DTNB: variants seen among roughly 807,000 people sequenced by gnomAD.
The protein encoded by DTNB is DTN-B.
DTNB carries 63 observed loss-of-function variants against 90.7 expected under a neutral mutation model. The observed-to-expected ratio is 0.69, with a 90% CI of 0.57 to 0.86. The LOEUF (loss-of-function observed/expected upper bound fraction) is 0.86. DTNB is among the 40% of genes least tolerant of loss of function. The probability of loss-of-function intolerance (pLI) is 0.00; values close to 1 mark genes in which losing one functional copy is unlikely to be tolerated. For synonymous variants in DTNB, 277 were observed against 286.7 expected, an observed-to-expected ratio of 0.97 and a Z score of 0.34; for missense variants, 744 against 807.1, an observed-to-expected ratio of 0.92 and a Z score of 0.95.
intron 16 of DTNB, among the ~76,000 whole-genome samples, chr2:25,407,692 G>T (rs976168158): frequency 6.6e-6 from 1 of 152,198 alleles, no homozygotes; most frequent in East Asian, 1.9e-4. Context: ...AATGCTGTGT[G>T]TTCTCACTTA....
chr2:25,552,502 A>T (rs534486271), intron 8 of DTNB, among the ~76,000 whole-genome samples: 12 of 152,164 alleles, frequency 7.9e-5, no homozygotes, highest in Non-Finnish European at 1.6e-4. Flanking sequence ...GGCCCCTCAC[A>T]GCTCCCCGCA....
At chr2:25,493,556 C>G (rs1575082624) in intron 9 of DTNB, among the ~76,000 whole-genome samples, 1 of 152,308 alleles carries the variant, frequency 6.6e-6, no homozygotes, top group South Asian at 2.1e-4. Flanking sequence ...ACCTCTTTTC[C>G]CACCTACTTA....
chr2:25,499,894 CT>C (rs912409736), intron 9 of DTNB, among the ~76,000 whole-genome samples: 1 of 151,796 alleles, frequency 6.6e-6, no homozygotes, highest in African/African-American at 2.4e-5. Context: ...ACTTACCATT[CT>C]TTTTTTTGGT....
At chr2:25,500,947 TG>T (rs1215481739) in intron 9 of DTNB, among the ~76,000 whole-genome samples, 1 of 152,226 alleles carries the variant, frequency 6.6e-6, no homozygotes, top group Non-Finnish European at 1.5e-5. Flanking sequence ...TTGAGGAGGC[TG>T]GAAGAACCTA....
chr2:25,659,453 A>T (rs917757853), intron 1 of DTNB, among the ~76,000 whole-genome samples: 1 of 152,210 alleles, frequency 6.6e-6, no homozygotes, highest in Non-Finnish European at 1.5e-5. Flanking sequence ...AAGTCAATGA[A>T]ACTAAAAGCT....
intron 18 of DTNB, among the ~76,000 whole-genome samples, chr2:25,384,826 G>A (rs1291791270): frequency 1.3e-5 from 2 of 151,968 alleles, no homozygotes; most frequent in Non-Finnish European, 2.9e-5. Flanking sequence ...TGTTTTATTG[G>A]GTGGCGAGTT....
chr2:25,630,003 G>T (rs951592265), intron 3 of DTNB, among the ~76,000 whole-genome samples: 27 of 151,808 alleles, frequency 1.8e-4, no homozygotes, highest in African/African-American at 6.3e-4. Flanking sequence ...TAAGGGTCTG[G>T]GATCCAGACA....
chr2:25,430,336 T>C (rs764862383), intron 14 of DTNB, among the ~76,000 whole-genome samples: 5 of 152,184 alleles, frequency 3.3e-5, no homozygotes, highest in South Asian at 2.1e-4. Context: ...TCCAGTGCAG[T>C]AGACCCTCGA....
intron 9 of DTNB, among the ~76,000 whole-genome samples, chr2:25,486,390 G>C (rs2066147654): frequency 6.6e-6 from 1 of 152,148 alleles, no homozygotes; most frequent in African/African-American, 2.4e-5. Context: ...CCTGAGCACA[G>C]GGAGGTTGAG....
intron 1 of DTNB, among the ~76,000 whole-genome samples, chr2:25,669,218 G>A (rs905613207): frequency 2.6e-5 from 4 of 152,006 alleles, no homozygotes; most frequent in Admixed American, 2.0e-4. Context: ...CAATGTGAAT[G>A]TATTTCATGC....
intron 4 of DTNB, among the ~76,000 whole-genome samples, chr2:25,625,756 C>T (rs1213444085): frequency 6.6e-6 from 1 of 152,008 alleles, no homozygotes; most frequent in Non-Finnish European, 1.5e-5. Context: ...CTCTTCCTTC[C>T]TCTCCCTTCT....
At chr2:25,588,929 C>T (rs1338780233) in intron 6 of DTNB, among the ~76,000 whole-genome samples, 5 of 152,134 alleles carry the variant, frequency 3.3e-5, no homozygotes, top group African/African-American at 7.2e-5. Context: ...GGGTTGCTAA[C>T]GGAGATTATA....
intron 6 of DTNB, among the ~76,000 whole-genome samples, chr2:25,592,884 T>A (rs2063821019): frequency 6.6e-6 from 1 of 152,214 alleles, no homozygotes; most frequent in African/African-American, 2.4e-5. Flanking sequence ...TGCACTGGTA[T>A]CACTGTCGGA....
intron 4 of DTNB, among the ~76,000 whole-genome samples, chr2:25,610,639 G>A (rs1405893239): frequency 1.3e-5 from 2 of 151,612 alleles, no homozygotes; most frequent in African/African-American, 2.4e-5. Context: ...CAGCACTCAG[G>A]TCAAAAGACA....
chr2:25,404,985 T>G (rs1205999507), intron 16 of DTNB, among the ~76,000 whole-genome samples: 1 of 152,148 alleles, frequency 6.6e-6, no homozygotes, highest in Non-Finnish European at 1.5e-5. Flanking sequence ...TGGAGTGCAC[T>G]CAGGCTGGAG....
intron 3 of DTNB, among the ~76,000 whole-genome samples, chr2:25,630,829 A>C (rs1008780915): frequency 8.2e-6 from 1 of 121,548 alleles, no homozygotes; most frequent in Non-Finnish European, 1.6e-5. Context: ...GGGCAACAAG[A>C]GTGAAACTCC....
At chr2:25,653,137 C>T (rs2081292518) in intron 1 of DTNB, 1 of 152,534 alleles carries the variant, frequency 6.6e-6, no homozygotes, top group African/African-American at 2.4e-5. Flanking sequence ...GTATTAATCC[C>T]TGATACGGTT....
chr2:25,386,666 C>A (rs886725577), intron 18 of DTNB, among the ~76,000 whole-genome samples: 1 of 152,056 alleles, frequency 6.6e-6, no homozygotes, highest in Non-Finnish European at 1.5e-5. Flanking sequence ...GGTGAAATGC[C>A]ACGAGGTAAA....
At chr2:25,423,816 C>T (rs535712825) in intron 15 of DTNB, among the ~76,000 whole-genome samples, 6 of 151,990 alleles carry the variant, frequency 3.9e-5, no homozygotes, top group East Asian at 1.9e-4. Context: ...CGCACCACCA[C>T]GCTCAGGTAA....
Sources: allele counts gnomAD v4.1 joint callset (sites outside exome capture counted in the v4.1 genomes callset), GRCh38; gene constraint gnomAD v4.1.1; transcripts MANE v1.5; gene names NCBI Gene and HGNC (gene_info 2026-07-23, HGNC 2026-07-21).